The following PSMD12 variants were observed in gnomAD, a reference collection of about 807,000 sequenced individuals.
PSMD12 encodes the protein proteasome 26S subunit, non-ATPase 12.
PSMD12 carries 8 observed loss-of-function variants against 62.9 expected under a neutral mutation model. The ratio of observed to expected loss-of-function variants is 0.13; its 90% CI spans 0.07 to 0.23. The LOEUF is 0.23. Ranked by LOEUF, PSMD12 falls within the 10% of genes least tolerant of loss-of-function variation. The pLI is 1.00. For missense variants in PSMD12, 424 were observed against 550.2 expected (o/e 0.77, Z 2.29); for synonymous variants, 173 against 187.4 (o/e 0.92, Z 0.63).
At chr17:67,358,851 A>C (rs1367325696) in intron 1 of PSMD12, among the ~76,000 whole-genome samples, 1 of 152,170 alleles carries the variant, frequency 6.6e-6, no homozygotes, top group African/African-American at 2.4e-5. Flanking sequence ...GATTCAACTG[A>C]AATACAGTTT....
In PSMD12 at chr17:67,350,299, A is replaced by G; in HGVS notation, c.335T>C (p.Val112Ala). The change falls in exon 4 of 11, where the codon GTT (valine) becomes GCT (alanine). Residue 112 changes from valine (V) to alanine (A), a missense_variant. Val to Ala is a moderately conservative substitution (Grantham distance 64). Coordinates refer to ENST00000356126, the MANE Select transcript of PSMD12 (RefSeq NM_002816.5). The part of the protein sequence containing the change: ...AKMVQQCCTY[V>A]EEITDLPIKL... Reference sequence around the variant, plus strand: ...GATAGGAAGGTCTGTGATTTCCTCAACATAAGTACAGCACTGTTGAACCAT... The same window carrying G: ...GATAGGAAGGTCTGTGATTTCCTCAGCATAAGTACAGCACTGTTGAACCAT... 1.2e-6 allele frequency: 2 copies of G among 1,613,268 alleles called. No homozygotes were observed. Among genetic ancestry groups the G allele is most frequent in the Non-Finnish European group, 1.7e-6 (2 of 1,179,712 alleles).
chr17:67,356,557 CAAAAAAAAAAAAAAAA>C (rs35353017), intron 3 of PSMD12, among the ~76,000 whole-genome samples: 4 of 14,994 alleles, frequency 2.7e-4, no homozygotes, highest in South Asian at 5.3e-3. Flanking sequence ...GACTCCGTCT[CAAAAAAAAAAAAAAAA>C]AAAAAAAAAA....
At chr17:67,343,185 C>A (rs72841737) in intron 9 of PSMD12, among the ~76,000 whole-genome samples, 1 of 151,854 alleles carries the variant, frequency 6.6e-6, no homozygotes, top group Admixed American at 6.6e-5. Flanking sequence ...ACATCTTCTC[C>A]CATCTCTATC....
Position 67,347,381 on chromosome 17 carries a change from G to A in PSMD12, c.615C>T (p.Ile205=). ...AAAATTTGGTGTTAATTTTCTTGCTGATGATTTGTGTTCGAATGTAATCCT... is the reference window on the plus strand; with the variant it reads ...AAAATTTGGTGTTAATTTTCTTGCTAATGATTTGTGTTCGAATGTAATCCT... ...AVKDYIRTQI[I]SKKINTKFFQ... The change falls in exon 6 of 11, where the codon ATC becomes ATT. Residue 205 remains isoleucine (I), a synonymous_variant. Transcript: ENST00000356126. 3.1e-6 allele frequency: 5 copies of A among 1,613,958 alleles called. No homozygotes were observed. The highest frequency in any genetic ancestry group is 4.2e-6 in the Non-Finnish European group (5 of 1,179,942).
intron 10 of PSMD12, 79 bp downstream of exon 10, chr17:67,342,107 T>C: frequency 1.9e-6 from 2 of 1,064,322 alleles, no homozygotes; most frequent in East Asian, 2.4e-5. Flanking sequence ...AATCATAACA[T>C]TGATTTTCTT....
intron 1 of PSMD12, among the ~76,000 whole-genome samples, chr17:67,360,154 C>A (rs1366852372): frequency 2.0e-5 from 3 of 152,124 alleles, no homozygotes; most frequent in Non-Finnish European, 4.4e-5. Context: ...TATCTGGCAA[C>A]AAAATGAAGG....
chr17:67,355,034 T>C (rs552476185), intron 3 of PSMD12, among the ~76,000 whole-genome samples: 1 of 152,090 alleles, frequency 6.6e-6, no homozygotes, highest in East Asian at 1.9e-4. Flanking sequence ...TATTTTAGGT[T>C]GTCTCAATTA....
chr17:67,353,559 G>A (rs1198673260), intron 3 of PSMD12, among the ~76,000 whole-genome samples: 2 of 152,064 alleles, frequency 1.3e-5, no homozygotes, highest in African/African-American at 4.8e-5. Context: ...CGCCTGCCTC[G>A]ACCTCCCAAA....
intron 3 of PSMD12, among the ~76,000 whole-genome samples, chr17:67,354,173 ACAAGG>A (rs2042045348): frequency 6.6e-6 from 1 of 152,084 alleles, no homozygotes; most frequent in Non-Finnish European, 1.5e-5. Flanking sequence ...ACTTTGGCAG[ACAAGG>A]CAAAGGCAGG....
chr17:67,348,865 A>C (rs979539743), intron 4 of PSMD12, among the ~76,000 whole-genome samples: 23 of 152,070 alleles, frequency 1.5e-4, no homozygotes, highest in African/African-American at 5.1e-4. Context: ...GTGTGGTGGC[A>C]TGCACCTTTA....
At chr17:67,358,887 C>T (rs1007680449) in intron 1 of PSMD12, among the ~76,000 whole-genome samples, 4 of 152,196 alleles carry the variant, frequency 2.6e-5, no homozygotes, top group Non-Finnish European at 5.9e-5. Context: ...AACCTCTCCA[C>T]ATCTCTAACT....
chr17:67,355,138 G>T (rs1408783659), intron 3 of PSMD12, among the ~76,000 whole-genome samples: 1 of 146,216 alleles, frequency 6.8e-6, no homozygotes, highest in African/African-American at 2.5e-5. Context: ...TGTTGCCCAG[G>T]CTGCAAAGCA....
chr17:67,350,403 G>T, intron 3 of PSMD12, 67 bp from the exon 4 acceptor site: 1 of 1,185,936 alleles, frequency 8.4e-7, no homozygotes, highest in Non-Finnish European at 1.2e-6. Context: ...GTATTTTATT[G>T]ATCAAAGAGC....
intron 1 of PSMD12, chr17:67,361,407 C>T (rs1466052716): frequency 6.6e-6 from 1 of 152,146 alleles, no homozygotes; most frequent in African/African-American, 2.4e-5. Flanking sequence ...CGTGGTGAAA[C>T]CCCATCTCTA....
rs1203904370 is a variant in PSMD12, at chr17:67,344,912, GATT to G, written c.909-135_909-133del. ...TATTTAGTAGAATGAGACACCATATGATTATTGTGTATTTTACCAACTTTATTA... is the reference window on the plus strand; with the variant it reads ...TATTTAGTAGAATGAGACACCATATGATTGTGTATTTTACCAACTTTATTA... On this transcript the variant is annotated intron_variant, in intron 8 of 10. Transcript: ENST00000356126. The G allele has an allele frequency of 2.5e-5, 18 of 729,488 alleles. No individual in the cohort carries two copies. The Admixed American group carries it at 4.4e-4, about 18-fold the overall frequency. 45.2% of individuals were successfully genotyped at this position (729,488 alleles called of 1,614,324 possible).
chr17:67,357,909 A>G (rs1283830750), intron 1 of PSMD12, among the ~76,000 whole-genome samples: 2 of 148,758 alleles, frequency 1.3e-5, no homozygotes, highest in African/African-American at 2.5e-5. Flanking sequence ...TCAGTGTGGT[A>G]ACACCTGTTT....
intron 1 of PSMD12, among the ~76,000 whole-genome samples, chr17:67,365,389 T>C (rs1171609174): frequency 6.6e-6 from 1 of 152,140 alleles, no homozygotes; most frequent in African/African-American, 2.4e-5. Flanking sequence ...AAAATAAGGA[T>C]AATAGTAATA....
intron 9 of PSMD12, chr17:67,342,528 T>G: frequency 4.1e-6 from 1 of 246,242 alleles, no homozygotes; most frequent in Non-Finnish European, 7.7e-6. Context: ...TATGCCTGTC[T>G]TAACTAGTGG....
chr17:67,352,305 T>C (rs1717382912), intron 3 of PSMD12, among the ~76,000 whole-genome samples: 1 of 152,112 alleles, frequency 6.6e-6, no homozygotes, highest in African/African-American at 2.4e-5. Context: ...ACCATCTTCA[T>C]GCCCATGTGC....
Sources: allele counts gnomAD v4.1 joint callset (sites outside exome capture counted in the v4.1 genomes callset), GRCh38; gene constraint gnomAD v4.1.1; transcripts MANE v1.5; gene names NCBI Gene and HGNC (gene_info 2026-07-23, HGNC 2026-07-21).